The following ADGRF5 variants were observed in gnomAD, a reference collection of about 807,000 sequenced individuals.
The protein encoded by ADGRF5 is adhesion G protein-coupled receptor F5.
Under a neutral mutation model 132.3 loss-of-function variants are expected in ADGRF5, and 75 were observed. The observed-to-expected ratio is 0.57, with a 90% CI of 0.47 to 0.69. The LOEUF (loss-of-function observed/expected upper bound fraction) is 0.69, where lower values mean the gene tolerates loss of function less well. Among genes scored for constraint, ADGRF5 ranks in the 30% least tolerant of loss-of-function variants. The probability of loss-of-function intolerance (pLI) is 0.00; values close to 1 mark genes in which losing one functional copy is unlikely to be tolerated. For missense variants in ADGRF5, 1,516 were observed against 1,630.6 expected (o/e 0.93, Z 1.21); for synonymous variants, 629 against 597.6 (o/e 1.05, Z -0.77).
chr6:46,934,896 G>GT (rs761404218), intron 1 of ADGRF5, among the ~76,000 whole-genome samples: 1 of 151,326 alleles, frequency 6.6e-6, no homozygotes, highest in Non-Finnish European at 1.5e-5. Flanking sequence ...AAACTCACCA[G>GT]TAATAGTAGC....
chr6:46,891,763 G>A (rs2150863262), intron 3 of ADGRF5, among the ~76,000 whole-genome samples: 1 of 152,314 alleles, frequency 6.6e-6, no homozygotes, highest in South Asian at 2.1e-4. Context: ...GTTCTGCTCA[G>A]ATTTTACAAG....
chr6:46,896,322 C>G (rs1774174623), intron 3 of ADGRF5, among the ~76,000 whole-genome samples: 1 of 152,234 alleles, frequency 6.6e-6, no homozygotes, highest in East Asian at 1.9e-4. Context: ...TCCTAACAGG[C>G]AGCTCCATGC....
At chr6:46,893,916 G>A (rs1389392916) in intron 3 of ADGRF5, among the ~76,000 whole-genome samples, 1 of 152,156 alleles carries the variant, frequency 6.6e-6, no homozygotes, top group Admixed American at 6.5e-5. Context: ...TGGAAAGTTG[G>A]CCACAAACTG....
intron 1 of ADGRF5, among the ~76,000 whole-genome samples, chr6:46,944,693 T>G (rs1424479057): frequency 1.3e-5 from 2 of 152,206 alleles, no homozygotes; most frequent in Non-Finnish European, 2.9e-5. Flanking sequence ...ACTAATATAT[T>G]ATACATCTAT....
At chr6:46,913,528 G>C (rs141393149) in intron 1 of ADGRF5, among the ~76,000 whole-genome samples, 2,699 of 151,978 alleles carry the variant, frequency 0.018, 39 homozygotes, top group South Asian at 0.044. Context: ...GAAGAAGGGG[G>C]TGGTCAACTA....
chr6:46,929,348 C>G (rs1478810189), intron 1 of ADGRF5, among the ~76,000 whole-genome samples: 7 of 150,350 alleles, frequency 4.7e-5, no homozygotes, highest in Non-Finnish European at 1.0e-4. Context: ...GTTGTGGGGT[C>G]GGGGGAGAGG....
chr6:46,854,023 T>A lies in ADGRF5; in HGVS notation c.4010A>T (p.Asn1337Ile). Reference protein sequence around the residue: ...TPEATSSSLENSSSASSLLN With the variant: ...TPEATSSSLEISSSASSLLN ...GAGCAACGAAGAAGCACTGGATGAG[T>A]TTTCCAGGGATGAGCTGGTTGCTTC... The change falls in exon 21 of 21, where the codon AAC becomes ATC. Residue 1337 changes from asparagine to isoleucine, a missense_variant. Asn to Ile is a moderately radical substitution (Grantham distance 149). Around this residue, in one of 2 missense-constraint regions of ADGRF5, gnomAD observed 571 missense variants for 701.2 expected, o/e 0.81. Coordinates refer to ENST00000283296, the MANE Select transcript of ADGRF5 (RefSeq NM_001098518.2). 1 of 1,604,478 alleles carries A rather than the reference T, an allele frequency of 6.2e-7. No individual in the cohort carries two copies. The highest frequency in any genetic ancestry group is 8.5e-7 in the Non-Finnish European group (1 of 1,176,772).
chr6:46,894,025 C>G (rs541186657), intron 3 of ADGRF5, among the ~76,000 whole-genome samples: 1 of 152,212 alleles, frequency 6.6e-6, no homozygotes, highest in Non-Finnish European at 1.5e-5. Context: ...AGAGCCAGAG[C>G]TTAAGTAGAT....
At chr6:46,871,084 C>T (rs1562164189) in intron 11 of ADGRF5, among the ~76,000 whole-genome samples, 1 of 151,886 alleles carries the variant, frequency 6.6e-6, no homozygotes, top group Non-Finnish European at 1.5e-5. Context: ...TAGCAGAAAA[C>T]ATGAACGACA....
At chr6:46,929,334 G>A (rs1777425433) in intron 1 of ADGRF5, among the ~76,000 whole-genome samples, 1 of 151,876 alleles carries the variant, frequency 6.6e-6, no homozygotes, top group Non-Finnish European at 1.5e-5. Flanking sequence ...ACACACCGGG[G>A]ACTGTTGTGG....
chr6:46,867,633 C>T (rs191197982), intron 12 of ADGRF5, among the ~76,000 whole-genome samples: 22 of 152,232 alleles, frequency 1.4e-4, no homozygotes, highest in Admixed American at 1.3e-3. Flanking sequence ...TGGGCAGCTG[C>T]CATGGAGACA....
At chr6:46,919,444 A>C (rs1355852510) in intron 1 of ADGRF5, among the ~76,000 whole-genome samples, 2 of 152,216 alleles carry the variant, frequency 1.3e-5, no homozygotes, top group Non-Finnish European at 2.9e-5. Flanking sequence ...GTTGCATATA[A>C]ATACAAGAGA....
chr6:46,855,019 G>C (rs1174170720), intron 20 of ADGRF5, among the ~76,000 whole-genome samples: 1 of 152,144 alleles, frequency 6.6e-6, no homozygotes, highest in East Asian at 1.9e-4. Context: ...TGTGAGATCT[G>C]TTCAGTTCCA....
At chr6:46,923,108 A>T (rs1050412419), upstream of ADGRF5, among the ~76,000 whole-genome samples, 1 of 152,026 alleles carries the variant, frequency 6.6e-6, no homozygotes, top group African/African-American at 2.4e-5. Flanking sequence ...TGTATTTTTA[A>T]TAGAGACAGG....
At chr6:46,929,796 A>C (rs922320406) in intron 1 of ADGRF5, among the ~76,000 whole-genome samples, 5 of 149,850 alleles carry the variant, frequency 3.3e-5, no homozygotes, top group South Asian at 2.1e-4. Flanking sequence ...TATTCTTCTT[A>C]TTATTTTTAT....
intron 1 of ADGRF5, among the ~76,000 whole-genome samples, chr6:46,941,111 G>C (rs931533701): frequency 1.3e-5 from 2 of 151,978 alleles, no homozygotes; most frequent in Non-Finnish European, 2.9e-5. Flanking sequence ...AAGGTGGGAG[G>C]AGCCCTTAAA....
intron 13 of ADGRF5, 87 bp from the exon 14 acceptor site, chr6:46,865,284 CTG>C: frequency 1.1e-6 from 1 of 896,732 alleles, no homozygotes; most frequent in Non-Finnish European, 1.7e-6. Context: ...ATGAATAAAC[CTG>C]TCCAAGCTTT....
At position 46,859,008 on chromosome 6, in the gene ADGRF5, T is replaced by C. The variant is rs1166078747; in HGVS notation, c.2895A>G (p.Thr965=). 1.2e-6 allele frequency: 2 copies of C among 1,614,146 alleles called. No individual in the cohort carries two copies. Among genetic ancestry groups the C allele is most frequent in the Non-Finnish European group, 8.5e-7 (1 of 1,180,014 alleles). The part of the protein sequence containing the change: ...VFWNFRLANN[T]GGWDSSGCYV... Reference sequence around the variant, plus strand: ...AGCACCCACTGCTGTCCCACCCCCCTGTGTTGTTGGCAAGCCTGAAGTTCC... The same window carrying C: ...AGCACCCACTGCTGTCCCACCCCCCCGTGTTGTTGGCAAGCCTGAAGTTCC... The change falls in exon 17 of 21, where the codon ACA becomes ACG. Residue 965 remains threonine (T), a synonymous_variant. Transcript: ENST00000283296.
Position 46,888,362 on chromosome 6 carries a change from C to G in ADGRF5, c.301G>C (p.Asp101His), listed in dbSNP as rs760749853. The change falls in exon 4 of 21, where the codon GAC becomes CAC. Residue 101 changes from aspartate (D) to histidine (H), a missense_variant. Transcript: ENST00000283296. ...GTTGTCACATTTATGCTCAAAATGTCGGTAATTTGGTCAGTGTTATTCCCA... is the reference window on the plus strand; with the variant it reads ...GTTGTCACATTTATGCTCAAAATGTGGGTAATTTGGTCAGTGTTATTCCCA... ...IHGNNTDQITDILSINVTTVC... is the reference protein window; with the variant it reads ...IHGNNTDQITHILSINVTTVC... 1.9e-6 allele frequency: 3 copies of G among 1,610,840 alleles called. No individual in the cohort carries two copies. Among genetic ancestry groups the G allele is most frequent in the Non-Finnish European group, 2.5e-6 (3 of 1,177,252 alleles).
Sources: gnomAD v4.1 joint callset for allele counts (sites outside exome capture counted in the v4.1 genomes callset) on GRCh38, gnomAD v4.1.1 for gene constraint, gnomAD v4.1.1 regional missense constraint, MANE v1.5 for transcripts, NCBI Gene and HGNC (gene_info 2026-07-23, HGNC 2026-07-21) for gene names.